Variants in CPNE4 observed in about 807,000 individuals in gnomAD.
The protein encoded by CPNE4 is copine 4.
Under a neutral mutation model 67.9 loss-of-function variants are expected in CPNE4, and 25 were observed. The observed-to-expected ratio is 0.37, with a 90% confidence interval of 0.27 to 0.51. CPNE4 has a LOEUF of 0.51. Among genes scored for constraint, CPNE4 ranks in the 20% least tolerant of loss-of-function variants. The pLI is 0.93. For synonymous variants in CPNE4, 242 were observed against 244.9 expected, an observed-to-expected ratio of 0.99 and a Z score of 0.11; for missense variants, 464 against 690.8, an observed-to-expected ratio of 0.67 and a Z score of 3.68.
Position 131,987,978 on chromosome 3 carries a change from CCA to C in CPNE4, c.-2+46587_-2+46588del, listed in dbSNP as rs1222393453. Among the ~76,000 whole-genome samples the C allele has an allele frequency of 2.6e-5, 4 of 152,216 alleles. No homozygotes were observed. In the East Asian group the frequency reaches 7.8e-4, roughly 30 times the overall value. ...TAAGCATTTGGCTTCCTTTAGGAAGCCACAGTCTACTGAGGGCAAATAGTTAG... is the reference window on the plus strand; with the variant it reads ...TAAGCATTTGGCTTCCTTTAGGAAGCCAGTCTACTGAGGGCAAATAGTTAG... On this transcript the variant is annotated intron_variant, in intron 1 of 15. Transcript: ENST00000429747.
intron 1 of CPNE4, among the ~76,000 whole-genome samples, chr3:131,975,050 G>A (rs1043369112): frequency 6.6e-6 from 1 of 152,000 alleles, no homozygotes; most frequent in Non-Finnish European, 1.5e-5. Flanking sequence ...TAAAGACAGA[G>A]AACCATCAAA....
chr3:131,986,787 C>G (rs551803852), intron 1 of CPNE4, among the ~76,000 whole-genome samples: 1 of 147,678 alleles, frequency 6.8e-6, no homozygotes, highest in Admixed American at 6.8e-5. Flanking sequence ...GCCAAGATTG[C>G]GCCACTGCAC....
intron 1 of CPNE4, among the ~76,000 whole-genome samples, chr3:131,941,047 A>T (rs2071370470): frequency 6.6e-6 from 1 of 152,124 alleles, no homozygotes; most frequent in African/African-American, 2.4e-5. Context: ...TGATCCTCCA[A>T]GACACTATTA....
intron 2 of CPNE4, among the ~76,000 whole-genome samples, chr3:131,837,852 G>C (rs2085618360): frequency 6.6e-6 from 1 of 151,746 alleles, no homozygotes; most frequent in South Asian, 2.1e-4. Context: ...CAGGATAAAG[G>C]GTACAGGGGA....
intron 7 of CPNE4, among the ~76,000 whole-genome samples, chr3:131,653,852 A>C (rs1054182631): frequency 1.3e-5 from 2 of 152,218 alleles, no homozygotes; most frequent in Non-Finnish European, 2.9e-5. Flanking sequence ...CTTACACGTC[A>C]GCAGAATTTT....
chr3:131,566,854 A>C (rs1937082313), intron 10 of CPNE4, among the ~76,000 whole-genome samples: 1 of 151,996 alleles, frequency 6.6e-6, no homozygotes, highest in Admixed American at 6.6e-5. Context: ...CACTGAGGAA[A>C]GCATGTTAGT....
intron 9 of CPNE4, among the ~76,000 whole-genome samples, chr3:131,576,448 A>T (rs1937549494): frequency 6.6e-6 from 1 of 152,194 alleles, no homozygotes; most frequent in South Asian, 2.1e-4. Context: ...AAGGAGAAAG[A>T]TAACCATTGA....
intron 1 of CPNE4, among the ~76,000 whole-genome samples, chr3:131,975,832 T>C (rs1309092070): frequency 6.6e-6 from 1 of 152,156 alleles, no homozygotes; most frequent in Admixed American, 6.5e-5. Flanking sequence ...CCAACAAATA[T>C]ATCAGGTTAT....
intron 2 of CPNE4, among the ~76,000 whole-genome samples, chr3:131,744,915 G>T (rs997191629): frequency 2.0e-5 from 3 of 152,158 alleles, no homozygotes; most frequent in Non-Finnish European, 4.4e-5. Context: ...ATTTTCTTGT[G>T]ATCACAAATC....
At chr3:131,716,199 ATGT>A (rs1182608251) in intron 3 of CPNE4, among the ~76,000 whole-genome samples, 3 of 152,064 alleles carry the variant, frequency 2.0e-5, no homozygotes, top group Non-Finnish European at 4.4e-5. Flanking sequence ...CTGAGTGAGA[ATGT>A]GGCAAACTCA....
intron 2 of CPNE4, among the ~76,000 whole-genome samples, chr3:131,788,803 A>C (rs1181130745): frequency 6.6e-6 from 1 of 152,110 alleles, no homozygotes; most frequent in Non-Finnish European, 1.5e-5. Flanking sequence ...GTTAAGTGGA[A>C]AAAAGTCAAA....
chr3:131,930,858 C>G (rs2071040926), intron 1 of CPNE4, among the ~76,000 whole-genome samples: 1 of 152,042 alleles, frequency 6.6e-6, no homozygotes, highest in Non-Finnish European at 1.5e-5. Flanking sequence ...ATTCCTATAA[C>G]TATAGGAGTT....
At chr3:131,797,134 C>T (rs567425383) in intron 2 of CPNE4, among the ~76,000 whole-genome samples, 2 of 152,258 alleles carry the variant, frequency 1.3e-5, no homozygotes, top group South Asian at 2.1e-4. Flanking sequence ...GATGCTGGCC[C>T]CATCAAGCAC....
intron 2 of CPNE4, among the ~76,000 whole-genome samples, chr3:131,736,881 T>G (rs1299908145): frequency 6.6e-6 from 1 of 152,132 alleles, no homozygotes; most frequent in East Asian, 1.9e-4. Context: ...TTTCTGTTCC[T>G]GATAAATAAA....
intron 2 of CPNE4, among the ~76,000 whole-genome samples, chr3:131,888,388 A>G (rs1367098019): frequency 6.8e-6 from 1 of 146,704 alleles, no homozygotes; most frequent in Non-Finnish European, 1.5e-5. Flanking sequence ...TTTCAACAGG[A>G]ACTAGTCTTT....
chr3:131,569,581 T>A (rs1937225858), intron 10 of CPNE4, among the ~76,000 whole-genome samples: 1 of 149,970 alleles, frequency 6.7e-6, no homozygotes, highest in Admixed American at 6.7e-5. Flanking sequence ...AAGGTTACAG[T>A]GAGCTTCCAG....
intron 3 of CPNE4, among the ~76,000 whole-genome samples, chr3:131,701,478 T>C (rs2081299967): frequency 6.6e-6 from 1 of 152,234 alleles, no homozygotes; most frequent in African/African-American, 2.4e-5. Context: ...GGTTACAAAA[T>C]GACTGTGACT....
intron 2 of CPNE4, among the ~76,000 whole-genome samples, chr3:131,801,446 G>GTATATATA (rs1331072183): frequency 9.4e-5 from 8 of 85,210 alleles, no homozygotes; most frequent in African/African-American, 3.9e-4. Context: ...GTGTGTGTGT[G>GTATATATA]TGTGTGTATA....
At chr3:131,550,555 T>G (rs1315607870) in intron 13 of CPNE4, among the ~76,000 whole-genome samples, 1 of 152,114 alleles carries the variant, frequency 6.6e-6, no homozygotes, top group Non-Finnish European at 1.5e-5. Flanking sequence ...CACACGATCT[T>G]GTTGACTCTA....
Sources: allele counts gnomAD v4.1 joint callset (sites outside exome capture counted in the v4.1 genomes callset), GRCh38; gene constraint gnomAD v4.1.1; transcripts MANE v1.5; gene names NCBI Gene and HGNC (gene_info 2026-07-23, HGNC 2026-07-21).